CLDN14: variants seen among roughly 807,000 people sequenced by gnomAD.
CLDN14 encodes claudin 14.
In CLDN14, 2 loss-of-function variants were observed where a neutral mutation model predicts 2.1. The observed-to-expected ratio is 0.96, with a 90% CI of 0.39 to 3.01. The LOEUF is 3.01. CLDN14 is among the 30% of genes most tolerant of loss of function. The probability of loss-of-function intolerance (pLI) is 0.09; values close to 1 mark genes in which losing one functional copy is unlikely to be tolerated. For synonymous variants in CLDN14, 136 were observed against 154.4 expected, an observed-to-expected ratio of 0.88 and a Z score of 0.88; for missense variants, 298 against 328.0, an observed-to-expected ratio of 0.91 and a Z score of 0.71.
chr21:36,537,989 A>C (rs982381970), intron 1 of CLDN14, among the ~76,000 whole-genome samples: 5 of 149,076 alleles, frequency 3.4e-5, no homozygotes, highest in African/African-American at 1.2e-4. Context: ...TCAAAACAAA[A>C]TGTGTGTGTG....
intron 2 of CLDN14, among the ~76,000 whole-genome samples, chr21:36,503,621 G>T (rs57748016): frequency 0.033 from 5,068 of 152,222 alleles, 302 homozygotes; most frequent in African/African-American, 0.11. Flanking sequence ...AGTTTTCCAT[G>T]AAATCTCTTT....
chr21:36,561,111 C>A (rs892858197), intron 1 of CLDN14, among the ~76,000 whole-genome samples: 1 of 152,156 alleles, frequency 6.6e-6, no homozygotes, highest in Non-Finnish European at 1.5e-5. Context: ...CATCCCATGC[C>A]GGCAACAGTT....
chr21:36,467,075 A>G (rs920411784), intron 1 of CLDN14, among the ~76,000 whole-genome samples: 1 of 152,228 alleles, frequency 6.6e-6, no homozygotes, highest in Non-Finnish European at 1.5e-5. Flanking sequence ...GTGAAATGCT[A>G]GAGCTGCTAT....
intron 1 of CLDN14, among the ~76,000 whole-genome samples, chr21:36,462,930 C>T (rs2086597278): frequency 8.0e-6 from 1 of 124,862 alleles, no homozygotes; most frequent in South Asian, 2.3e-4. Flanking sequence ...AAAAACAAAA[C>T]AAGCAAACAA....
chr21:36,514,215 C>T (rs1300027279), intron 1 of CLDN14, among the ~76,000 whole-genome samples: 1 of 152,088 alleles, frequency 6.6e-6, no homozygotes, highest in Admixed American at 6.5e-5. Flanking sequence ...ATCACAGCTT[C>T]GTGATATTTG....
chr21:36,509,895 C>T (rs916394063), intron 2 of CLDN14, among the ~76,000 whole-genome samples: 1 of 152,076 alleles, frequency 6.6e-6, no homozygotes, highest in Non-Finnish European at 1.5e-5. Flanking sequence ...GCGCCTGGCC[C>T]AGCAGCATTG....
intron 2 of CLDN14, among the ~76,000 whole-genome samples, chr21:36,501,903 T>A (rs1332689777): frequency 6.8e-6 from 1 of 147,640 alleles, no homozygotes; most frequent in Admixed American, 6.9e-5. Context: ...GGATGGAAAG[T>A]CTTATGAATT....
At chr21:36,568,171 G>A (rs1378684563) in intron 1 of CLDN14, among the ~76,000 whole-genome samples, 1 of 152,176 alleles carries the variant, frequency 6.6e-6, no homozygotes, top group Non-Finnish European at 1.5e-5. Context: ...GTTTACCGAG[G>A]AATTGCAGGT....
At chr21:36,533,642 C>T (rs2087399668) in intron 1 of CLDN14, among the ~76,000 whole-genome samples, 3 of 152,142 alleles carry the variant, frequency 2.0e-5, no homozygotes, top group African/African-American at 7.2e-5. Flanking sequence ...GTAAGACCTC[C>T]TGGAACACTA....
chr21:36,517,744 A>G (rs1432499763), intron 1 of CLDN14, among the ~76,000 whole-genome samples: 1 of 152,234 alleles, frequency 6.6e-6, no homozygotes, highest in Non-Finnish European at 1.5e-5. Flanking sequence ...TGGCTAGGCC[A>G]TGGTGCTCAG....
At chr21:36,539,717 T>G (rs1488345788) in intron 1 of CLDN14, among the ~76,000 whole-genome samples, 2 of 134,672 alleles carry the variant, frequency 1.5e-5, no homozygotes, top group Admixed American at 7.3e-5. Flanking sequence ...TGTACGGTGT[T>G]AGTGTGTGTG....
chr21:36,501,683 A>T (rs1358115979), intron 2 of CLDN14, among the ~76,000 whole-genome samples: 1 of 152,016 alleles, frequency 6.6e-6, no homozygotes, highest in African/African-American at 2.4e-5. Context: ...CACACGTTCA[A>T]CCCAGTGATG....
intron 1 of CLDN14, among the ~76,000 whole-genome samples, chr21:36,556,786 A>G (rs536635618): frequency 6.6e-6 from 1 of 152,130 alleles, no homozygotes; most frequent in Non-Finnish European, 1.5e-5. Context: ...CTCTCTCTCT[A>G]TCTTTTGGTG....
intron 2 of CLDN14, among the ~76,000 whole-genome samples, chr21:36,504,555 T>C (rs1268074629): frequency 6.6e-6 from 1 of 152,162 alleles, no homozygotes; most frequent in Non-Finnish European, 1.5e-5. Flanking sequence ...TTTTAGGGGG[T>C]TGTGGCTCAT....
At chr21:36,560,646 A>G (rs2087628241) in intron 1 of CLDN14, among the ~76,000 whole-genome samples, 1 of 152,226 alleles carries the variant, frequency 6.6e-6, no homozygotes, top group Non-Finnish European at 1.5e-5. Flanking sequence ...GTCATGGTGT[A>G]TGATCCTTTT....
At chr21:36,463,270 G>A (rs772547092) in intron 1 of CLDN14, among the ~76,000 whole-genome samples, 1 of 152,236 alleles carries the variant, frequency 6.6e-6, no homozygotes, top group African/African-American at 2.4e-5. Flanking sequence ...CTGATGACAA[G>A]TCACTTCAGC....
intron 1 of CLDN14, among the ~76,000 whole-genome samples, chr21:36,535,418 AAAAT>A (rs138325802): frequency 0.48 from 72,016 of 151,588 alleles, 19,218 homozygotes; most frequent in Middle Eastern, 0.61. Context: ...ATAAAAGTAA[AAAAT>A]AAAATACAAA....
chr21:36,564,717 G>C (rs2087660480), intron 1 of CLDN14, among the ~76,000 whole-genome samples: 1 of 152,218 alleles, frequency 6.6e-6, no homozygotes, highest in Non-Finnish European at 1.5e-5. Flanking sequence ...AGGTTGCAGA[G>C]GGAATTAAGG....
intron 1 of CLDN14, among the ~76,000 whole-genome samples, chr21:36,525,400 A>AT (rs397747461): frequency 6.6e-6 from 1 of 150,834 alleles, no homozygotes; most frequent in Admixed American, 6.6e-5. Context: ...GAAAAAAAAA[A>AT]GAAATAAAGA....
Sources: allele counts gnomAD v4.1 joint callset (sites outside exome capture counted in the v4.1 genomes callset), GRCh38; gene constraint gnomAD v4.1.1; transcripts MANE v1.5; gene names NCBI Gene and HGNC (gene_info 2026-07-23, HGNC 2026-07-21).